Variants in MAGI1 observed in about 807,000 individuals in gnomAD.
The protein encoded by MAGI1 is membrane associated guanylate kinase, WW and PDZ domain containing 1, also known as membrane-associated guanylate kinase, WW and PDZ domain-containing protein 1.
In MAGI1, 58 loss-of-function variants were observed where a neutral mutation model predicts 139.9. That is an observed-to-expected ratio of 0.41 (90% confidence interval 0.34 to 0.52). MAGI1 has a LOEUF of 0.52. MAGI1 is among the 20% of genes least tolerant of loss of function. The pLI is 0.12. For missense variants in MAGI1, 1,874 were observed against 1,901.6 expected (o/e 0.99, Z 0.27); for synonymous variants, 812 against 737.9 (o/e 1.10, Z -1.63).
intron 1 of MAGI1, among the ~76,000 whole-genome samples, chr3:65,952,379 G>A (rs551657606): frequency 1.2e-4 from 19 of 152,106 alleles, no homozygotes; most frequent in East Asian, 1.9e-4. Context: ...GTTTTTTTCC[G>A]ATACTTTTGC....
At chr3:66,021,117 C>A (rs1320120171) in intron 1 of MAGI1, among the ~76,000 whole-genome samples, 1 of 152,158 alleles carries the variant, frequency 6.6e-6, no homozygotes, top group African/African-American at 2.4e-5. Flanking sequence ...GTCTTCTGTG[C>A]CATTCAATAC....
intron 5 of MAGI1, among the ~76,000 whole-genome samples, chr3:65,459,341 T>C (rs918311998): frequency 6.6e-6 from 1 of 152,224 alleles, no homozygotes; most frequent in Non-Finnish European, 1.5e-5. Context: ...GTGAGGAATA[T>C]CTTTGGTATA....
intron 1 of MAGI1, among the ~76,000 whole-genome samples, chr3:65,625,293 T>C (rs1436979275): frequency 6.6e-6 from 1 of 152,196 alleles, no homozygotes; most frequent in Non-Finnish European, 1.5e-5. Context: ...ATAAAATCGA[T>C]TTCAAAAGTT....
At chr3:65,663,382 C>T (rs1445479461) in intron 1 of MAGI1, among the ~76,000 whole-genome samples, 3 of 152,104 alleles carry the variant, frequency 2.0e-5, no homozygotes, top group Admixed American at 6.6e-5. Flanking sequence ...ATGGTTTTAC[C>T]GTGGTACCAG....
At chr3:65,398,017 T>G (rs1342777643) in intron 13 of MAGI1, among the ~76,000 whole-genome samples, 2 of 149,996 alleles carry the variant, frequency 1.3e-5, no homozygotes, top group African/African-American at 4.9e-5. Flanking sequence ...CAATTAATCT[T>G]TTTTTTTTTG....
At chr3:65,914,748 T>C (rs547932357) in intron 1 of MAGI1, among the ~76,000 whole-genome samples, 1 of 152,288 alleles carries the variant, frequency 6.6e-6, no homozygotes, top group Non-Finnish European at 1.5e-5. Context: ...CCAAACAAAT[T>C]TGCTTATGGT....
intron 1 of MAGI1, among the ~76,000 whole-genome samples, chr3:65,813,238 C>T (rs1023580757): frequency 1.3e-5 from 2 of 152,022 alleles, no homozygotes; most frequent in African/African-American, 4.8e-5. Context: ...CCATTTCTCC[C>T]AGCTTGTTCA....
chr3:65,913,415 A>G (rs1232015256), intron 1 of MAGI1, among the ~76,000 whole-genome samples: 3 of 152,220 alleles, frequency 2.0e-5, no homozygotes, highest in Non-Finnish European at 2.9e-5. Context: ...ACATGGTTCA[A>G]TGCTTTCAGG....
At chr3:65,676,585 G>A (rs890494909) in intron 1 of MAGI1, among the ~76,000 whole-genome samples, 5 of 152,168 alleles carry the variant, frequency 3.3e-5, no homozygotes. Flanking sequence ...GCTGTGTCCA[G>A]CATCTCCATC....
chr3:65,851,385 C>T (rs1167266205), intron 1 of MAGI1, among the ~76,000 whole-genome samples: 2 of 152,120 alleles, frequency 1.3e-5, no homozygotes, highest in East Asian at 1.9e-4. Context: ...ATGAGTATTA[C>T]ATTGTTGCCT....
chr3:65,989,458 G>T (rs1560087288), intron 1 of MAGI1, among the ~76,000 whole-genome samples: 2 of 152,122 alleles, frequency 1.3e-5, no homozygotes, highest in Admixed American at 6.6e-5. Flanking sequence ...ACTGCTATAG[G>T]TCAAAGATTA....
intron 2 of MAGI1, among the ~76,000 whole-genome samples, chr3:65,593,305 C>A (rs368356042): frequency 1.3e-5 from 2 of 152,150 alleles, no homozygotes; most frequent in East Asian, 3.9e-4. Context: ...CAGTCTTTGT[C>A]AAATTTGTAG....
intron 2 of MAGI1, among the ~76,000 whole-genome samples, chr3:65,525,615 C>T (rs972237231): frequency 6.6e-6 from 1 of 152,118 alleles, no homozygotes; most frequent in African/African-American, 2.4e-5. Flanking sequence ...CTGGAATAAG[C>T]ACTGTATAAT....
chr3:65,935,237 G>A (rs1398087731), intron 1 of MAGI1, among the ~76,000 whole-genome samples: 3 of 152,126 alleles, frequency 2.0e-5, no homozygotes, highest in Non-Finnish European at 2.9e-5. Context: ...AAAAGCTGGA[G>A]AACAAGGTGA....
intron 2 of MAGI1, among the ~76,000 whole-genome samples, chr3:65,594,520 CAG>C (rs1219127772): frequency 2.0e-5 from 3 of 152,196 alleles, no homozygotes; most frequent in African/African-American, 7.2e-5. Context: ...CAGAGATCAG[CAG>C]AGTTACTGAA....
At chr3:65,936,511 C>T (rs984110168) in intron 1 of MAGI1, among the ~76,000 whole-genome samples, 7 of 151,452 alleles carry the variant, frequency 4.6e-5, no homozygotes, top group African/African-American at 1.2e-4. Context: ...GGCTGGTACA[C>T]GCCTGTAATC....
chr3:65,993,016 A>G (rs1324368994), intron 1 of MAGI1, among the ~76,000 whole-genome samples: 1 of 151,810 alleles, frequency 6.6e-6, no homozygotes, highest in Non-Finnish European at 1.5e-5. Flanking sequence ...TTTTTAGTAG[A>G]GGCAGGGTCT....
chr3:65,401,965 T>C, intron 12 of MAGI1: 2 of 896,636 alleles, frequency 2.2e-6, no homozygotes, highest in Non-Finnish European at 2.7e-6. Flanking sequence ...TTTTTTCCTC[T>C]GCCTTTCGGA....
At chr3:65,418,235 A>G (rs1469860265) in intron 12 of MAGI1, among the ~76,000 whole-genome samples, 1 of 152,146 alleles carries the variant, frequency 6.6e-6, no homozygotes, top group African/African-American at 2.4e-5. Context: ...GACTCAGACT[A>G]CATATTACTG....
Sources: gnomAD v4.1 joint callset for allele counts (sites outside exome capture counted in the v4.1 genomes callset) on GRCh38, gnomAD v4.1.1 for gene constraint, MANE v1.5 for transcripts, NCBI Gene and HGNC (gene_info 2026-07-23, HGNC 2026-07-21) for gene names.